The following MUC20 variants were observed in gnomAD, a reference collection of about 807,000 sequenced individuals.
The protein encoded by MUC20 is mucin-20.
In MUC20, 14 loss-of-function variants were observed where a neutral mutation model predicts 23.8. The ratio of observed to expected loss-of-function variants is 0.59; its 90% confidence interval spans 0.39 to 0.92. MUC20 has a LOEUF of 0.92. Ranked by LOEUF, MUC20 falls within the 40% of genes least tolerant of loss-of-function variation. MUC20 has a pLI of 0.00. For missense variants in MUC20, 375 were observed against 668.8 expected, an observed-to-expected ratio of 0.56 and a Z score of 4.85; for synonymous variants, 166 against 279.3, an observed-to-expected ratio of 0.59 and a Z score of 4.04.
At chr3:195,722,813 G>A (rs1712275529) in intron 1 of MUC20, 2 of 987,812 alleles carry the variant, frequency 2.0e-6, no homozygotes, top group Admixed American at 6.1e-5. Flanking sequence ...AACAGTTCCT[G>A]CAAAAGTGAG....
Position 195,733,542 on chromosome 3 carries a change from G to T in MUC20, c.*324G>T. ...TCCATCCTGCATTAAAATTCACTCA[G>T]TGTGGCCCAGAGGCTGTCTATTGAT... On this transcript the variant is annotated 3_prime_UTR_variant, in exon 4 of 4. Transcript: ENST00000447234. 3 of 1,308,398 alleles carry T rather than the reference G, an allele frequency of 2.3e-6. No individual in the cohort carries two copies. Among genetic ancestry groups the T allele is most frequent in the Non-Finnish European group, 2.9e-6 (3 of 1,030,588 alleles). The allele number at this position is 1,308,398 out of a possible 1,614,324, so 81.0% of individuals were successfully genotyped here.
rs1239008286 is a variant in MUC20, at chr3:195,733,395, C to T, written c.*177C>T. The T allele has an allele frequency of 4.1e-6, 6 of 1,459,206 alleles. No homozygotes were observed. In the African/African-American group the frequency reaches 5.6e-5, roughly 14 times the overall value. 90.4% of individuals were successfully genotyped at this position (1,459,206 alleles called of 1,614,324 possible). A position where few individuals can be genotyped will look rare whatever the true frequency, so the allele number is the denominator to read the frequency against. On this transcript the variant is annotated 3_prime_UTR_variant, in exon 4 of 4. Coordinates refer to ENST00000447234, the MANE Select transcript of MUC20 (RefSeq NM_001282506.2). ...CAGATGTGGCAACAGGACCCTCGCTCACATCCACCGGAGTGTATGTGTGGG... is the reference window on the plus strand; with the variant it reads ...CAGATGTGGCAACAGGACCCTCGCTTACATCCACCGGAGTGTATGTGTGGG...
At chr3:195,729,779 G>A (rs1284118602) in intron 3 of MUC20, 40 bp downstream of exon 3, 2 of 1,551,540 alleles carry the variant, frequency 1.3e-6, no homozygotes, top group Non-Finnish European at 1.7e-6. Context: ...TAGAGGAAGG[G>A]GCGAGGTTCG....
Position 195,722,140 on chromosome 3 carries a change from C to T in MUC20, c.76+1057C>T, listed in dbSNP as rs576257001. On this transcript the variant is annotated intron_variant, in intron 1 of 3. Coordinates refer to ENST00000447234, the MANE Select transcript of MUC20 (RefSeq NM_001282506.2). Reference sequence around the variant, plus strand: ...GGCACATTTGATAGGACTGAGGAACCTACTTTGATGCATCATTATCATACA... The same window carrying T: ...GGCACATTTGATAGGACTGAGGAACTTACTTTGATGCATCATTATCATACA... The T allele has an allele frequency of 1.3e-3, 805 of 638,072 alleles. 2 individuals are homozygous for T. The African/African-American group carries it at 0.016, about 12-fold the overall frequency. 39.5% of individuals were successfully genotyped at this position (638,072 alleles called of 1,614,324 possible).
rs868266111 is a variant in MUC20 at position 195,729,389 on chromosome 3, T to C, written c.1970-259T>C. 5 of 404,168 alleles carry C rather than the reference T, an allele frequency of 1.2e-5. No individual in the cohort carries two copies. In the Middle Eastern group the frequency reaches 2.1e-3, roughly 169 times the overall value. 25.0% of individuals were successfully genotyped at this position (404,168 alleles called of 1,614,324 possible). A position where few individuals can be genotyped will look rare whatever the true frequency, so the allele number is the denominator to read the frequency against. Reference sequence around the variant, plus strand: ...TGGAGTGTAGTGCTGCGATCTCAGATCACCACAACCTCCGCCTCCCAGGTT... The same window carrying C: ...TGGAGTGTAGTGCTGCGATCTCAGACCACCACAACCTCCGCCTCCCAGGTT... On this transcript the variant is annotated intron_variant, in intron 2 of 3. Transcript: ENST00000447234.
rs761044751 is a variant in MUC20, at chr3:195,726,374, A to C, written c.1771A>C (p.Thr591Pro). 2.5e-5 allele frequency: 40 copies of C among 1,613,818 alleles called. No homozygotes were observed. Among genetic ancestry groups the C allele is most frequent in the Middle Eastern group, 1.7e-4 (1 of 6,060 alleles). The stretch of plus-strand genomic sequence containing the variant: ...GAACTTCACCCCTTCAGAGACACCG[A>C]CCATGGACATCGCAACCAAGGGGCC... ...LKNFTPSETP[T>P]MDIATKGPFP... Residue 591 changes from threonine to proline, a missense_variant, in exon 2 of 4, where the codon ACC (threonine) becomes CCC (proline). By Grantham distance (38) the Thr-to-Pro change is conservative. Around this residue, in one of 4 missense-constraint regions of MUC20, gnomAD observed 343 missense variants for 340.2 expected, o/e 1.01. Transcript: ENST00000447234.
chr3:195,732,645 C>T (rs2148710195), intron 3 of MUC20, among the ~76,000 whole-genome samples: 1 of 151,978 alleles, frequency 6.6e-6, no homozygotes, highest in South Asian at 2.1e-4. Flanking sequence ...TTGGCGTGAG[C>T]CACCGCACCC....
chr3:195,732,446 A>G (rs2641732), intron 3 of MUC20, among the ~76,000 whole-genome samples: 67,723 of 149,064 alleles, frequency 0.45, 10,305 homozygotes, highest in East Asian at 0.73. Context: ...TGCAACCTCC[A>G]CCTCCCGGAT....
chr3:195,721,237 TAAAG>T (rs1196106117), intron 1 of MUC20, among the ~76,000 whole-genome samples, 154 bp downstream of exon 1: 6 of 150,332 alleles, frequency 4.0e-5, no homozygotes, highest in Non-Finnish European at 8.9e-5. Flanking sequence ...TTATTGTTGA[TAAAG>T]AGTGTGCAAA....
intron 2 of MUC20, among the ~76,000 whole-genome samples, 189 bp downstream of exon 2, chr3:195,726,761 G>A (rs1260041238): frequency 6.6e-6 from 1 of 152,270 alleles, no homozygotes; most frequent in Non-Finnish European, 1.5e-5. Context: ...GGTTGTGTAT[G>A]GAAAGGGGTG....
intron 3 of MUC20, among the ~76,000 whole-genome samples, chr3:195,731,497 A>G (rs956189337): frequency 1.3e-5 from 2 of 152,264 alleles, no homozygotes; most frequent in Non-Finnish European, 2.9e-5. Flanking sequence ...AAGCAATGCC[A>G]GGACAGCAGG....
At position 195,721,256 on chromosome 3, in the gene MUC20, A is replaced by G. The variant is rs12374130; in HGVS notation, c.76+173A>G. Among the ~76,000 whole-genome samples, 17,717 of 104,760 alleles carry G rather than the reference A, an allele frequency of 0.17. 77 individuals carry two copies. Among genetic ancestry groups the G allele is most frequent in the South Asian group, 0.23 (856 of 3,788 alleles). The allele number at this position is 104,760 out of a possible 152,430, so 68.7% of individuals were successfully genotyped here. On this transcript the variant is annotated intron_variant, in intron 1 of 3. Transcript: ENST00000447234. ...TGTTGATAAAGAGTGTGCAAATGAC[A>G]GTGTGAGTGTAAGCGTGCATGGCGC...
intron 3 of MUC20, 87 bp from the exon 4 acceptor site, chr3:195,733,063 T>C: frequency 7.0e-7 from 1 of 1,420,924 alleles, no homozygotes; most frequent in Non-Finnish European, 9.7e-7. Context: ...GCATGCACTC[T>C]GCCCCAGTGT....
In MUC20 at chr3:195,733,493, G is replaced by A. The variant is rs1713612409; in HGVS notation, c.*275G>A. 7.2e-7 allele frequency: 1 copy of A among 1,387,764 alleles called. No homozygotes were observed. The highest frequency in any genetic ancestry group is 9.3e-7 in the Non-Finnish European group (1 of 1,074,818). 86.0% of individuals were successfully genotyped at this position (1,387,764 alleles called of 1,614,324 possible). A position where few individuals can be genotyped will look rare whatever the true frequency, so the allele number is the denominator to read the frequency against. ...CATGTTCTGTGTTTCAGTAAAGAGA[G>A]ACCTGATCACCCATCTGTGTGCTTC... On this transcript the variant is annotated 3_prime_UTR_variant, in exon 4 of 4. Transcript: ENST00000447234.
At chr3:195,729,854 G>T in intron 3 of MUC20, 115 bp downstream of exon 3, 2 of 1,007,002 alleles carry the variant, frequency 2.0e-6, no homozygotes, top group Non-Finnish European at 2.9e-6. Context: ...AGGGAGTCTC[G>T]TTTCTTACGG....
At chr3:195,722,467 G>C (rs1478601796) in intron 1 of MUC20, 1 of 985,284 alleles carries the variant, frequency 1.0e-6, no homozygotes, top group Non-Finnish European at 1.2e-6. Context: ...CTCCAACTCA[G>C]GGTCCCAAGT....
intron 2 of MUC20, among the ~76,000 whole-genome samples, chr3:195,727,081 T>C (rs1712772146): frequency 6.6e-6 from 1 of 152,286 alleles, no homozygotes; most frequent in Non-Finnish European, 1.5e-5. Context: ...TTCCTGGGAT[T>C]TATGCCATAG....
chr3:195,729,745 T>C lies in MUC20; in HGVS notation c.2061+6T>C, dbSNP rs1713168794. ...CAGAAAGGCTGATGCAGCAGGTGAGTGGGCACTTTCCGGGCCAGGGGAGTA... is the reference window on the plus strand; with the variant it reads ...CAGAAAGGCTGATGCAGCAGGTGAGCGGGCACTTTCCGGGCCAGGGGAGTA... On this transcript the variant is annotated splice_donor_region_variant and intron_variant, in intron 3 of 3. Coordinates refer to ENST00000447234, the MANE Select transcript of MUC20 (RefSeq NM_001282506.2). 2 of 1,589,802 alleles carry C rather than the reference T, an allele frequency of 1.3e-6. No homozygotes were observed. The highest frequency in any genetic ancestry group is 1.7e-6 in the Non-Finnish European group (2 of 1,167,482).
In MUC20 at chr3:195,729,582, C is replaced by G. The variant is rs1713143619; in HGVS notation, c.1970-66C>G. 2.4e-5 allele frequency: 35 copies of G among 1,448,756 alleles called. No individual in the cohort carries two copies. The South Asian group carries it at 4.2e-4, about 17-fold the overall frequency. The allele number at this position is 1,448,756 out of a possible 1,614,324, so 89.7% of individuals were successfully genotyped here. A position where few individuals can be genotyped will look rare whatever the true frequency, so the allele number is the denominator to read the frequency against. On this transcript the variant is annotated intron_variant, in intron 2 of 3. Coordinates refer to ENST00000447234, the MANE Select transcript of MUC20 (RefSeq NM_001282506.2). ...CCACCTGCCTCTGCCTCCCAAAGTGCTGGGATGACAGGTGTGAGCCACTGC... is the reference window on the plus strand; with the variant it reads ...CCACCTGCCTCTGCCTCCCAAAGTGGTGGGATGACAGGTGTGAGCCACTGC...
Sources: gnomAD v4.1 joint callset for allele counts (sites outside exome capture counted in the v4.1 genomes callset) on GRCh38, gnomAD v4.1.1 for gene constraint, gnomAD v4.1.1 regional missense constraint, MANE v1.5 for transcripts, NCBI Gene and HGNC (gene_info 2026-07-23, HGNC 2026-07-21) for gene names.